The following RNF111 variants were observed in gnomAD, a reference collection of about 807,000 sequenced individuals.
RNF111 encodes the protein E3 ubiquitin-protein ligase Arkadia.
In RNF111, 17 loss-of-function variants were observed where a neutral mutation model predicts 95.1. That is an observed-to-expected ratio of 0.18 (90% CI 0.12 to 0.27). The LOEUF is 0.27. Ranked by LOEUF, RNF111 falls within the 10% of genes least tolerant of loss-of-function variation. The pLI is 1.00. For missense variants in RNF111, 1,189 were observed against 1,210.4 expected (o/e 0.98, Z 0.26); for synonymous variants, 440 against 414.8 (o/e 1.06, Z -0.74).
intron 1 of RNF111, among the ~76,000 whole-genome samples, chr15:58,997,814 CA>C (rs144747860): frequency 3.9e-4 from 46 of 118,362 alleles, no homozygotes; most frequent in African/African-American, 6.6e-4. Flanking sequence ...GACTCCATCT[CA>C]AAAAAAAAAA....
intron 3 of RNF111, among the ~76,000 whole-genome samples, chr15:59,054,500 A>T: frequency 6.6e-6 from 1 of 152,078 alleles, no homozygotes; most frequent in East Asian, 1.9e-4. Context: ...TTTTTCAAGA[A>T]TTTTAAATGG....
At chr15:59,034,356 G>A (rs4775112) in intron 2 of RNF111, among the ~76,000 whole-genome samples, 150,339 of 152,346 alleles carry the variant, frequency 0.99, 74,205 homozygotes, top group East Asian at 1. Context: ...GTTGTTGGCT[G>A]TTGTTACCAG....
chr15:59,032,763 T>C (rs2040977899), intron 2 of RNF111, among the ~76,000 whole-genome samples: 1 of 152,200 alleles, frequency 6.6e-6, no homozygotes, highest in African/African-American at 2.4e-5. Flanking sequence ...CAAGTAACTT[T>C]TATTCTAATA....
At position 59,059,818 on chromosome 15, in the gene RNF111, C is replaced by T. The variant is rs146740851; in HGVS notation, c.1366+1268C>T. On this transcript the variant is annotated intron_variant, in intron 5 of 13. Transcript: ENST00000348370. ...GAGATAGGAACTTGCTAACTGCTTA[C>T]CAATAGGGACACTGTAGACCCTGTA... Among the ~76,000 whole-genome samples the T allele has an allele frequency of 1.6e-4, 24 of 152,290 alleles. No individual in the cohort carries two copies. In the East Asian group the frequency reaches 3.9e-3, roughly 24 times the overall value.
intron 10 of RNF111, among the ~76,000 whole-genome samples, chr15:59,087,887 G>A (rs569509846): frequency 1.1e-4 from 16 of 152,324 alleles, no homozygotes; most frequent in African/African-American, 3.8e-4. Context: ...TGGCAGTAGA[G>A]TGGTTATTGG....
chr15:59,066,555 G>T (rs2042664294), intron 5 of RNF111, among the ~76,000 whole-genome samples: 1 of 151,988 alleles, frequency 6.6e-6, no homozygotes, highest in African/African-American at 2.4e-5. Context: ...GGTTTGGTGA[G>T]CCAAGATGGC....
chr15:59,048,382 T>A (rs774747701), intron 2 of RNF111, among the ~76,000 whole-genome samples: 5 of 152,186 alleles, frequency 3.3e-5, no homozygotes, highest in Non-Finnish European at 7.3e-5. Context: ...ACATAAAACT[T>A]TACAAAATCC....
rs1432923345 is a variant in RNF111 at position 59,052,307 on chromosome 15, A to C, written c.883A>C (p.Ser295Arg). 3 of 1,563,962 alleles carry C rather than the reference A, an allele frequency of 1.9e-6. No individual in the cohort carries two copies. The African/African-American group carries it at 4.1e-5, about 21-fold the overall frequency. Residue 295 changes from serine (S) to arginine (R), a missense_variant and splice_region_variant, in exon 3 of 14, where the codon AGT (serine) becomes CGT (arginine). Coordinates refer to ENST00000348370, the MANE Select transcript of RNF111 (RefSeq NM_017610.8). ...HQNNPAVPSG[S>R]IDEDVVVIEA... is the part of the protein sequence containing the mutation. Reference sequence around the variant, plus strand: ...ATGTTTTTTCTTTTTGTTTCCAGGAAGTATTGATGAAGATGTTGTGGTGAT... The same window carrying C: ...ATGTTTTTTCTTTTTGTTTCCAGGACGTATTGATGAAGATGTTGTGGTGAT...
rs774566257 is a variant in RNF111, at chr15:59,080,994, A to G, written c.2007A>G (p.Gly669=). The G allele has an allele frequency of 1.2e-6, 2 of 1,614,002 alleles. No homozygotes were observed. Among genetic ancestry groups the G allele is most frequent in the Non-Finnish European group, 1.7e-6 (2 of 1,179,968 alleles). The change falls in exon 8 of 14, where the codon GGA becomes GGG. Residue 669 remains glycine, a synonymous_variant. Coordinates refer to ENST00000348370, the MANE Select transcript of RNF111 (RefSeq NM_017610.8). ...CTTCTGCCTGCCCGCATTCTCATGG[A>G]AACCCCCCTCCTCAGACTCAGCCTC... ...HQASACPHSH[G]NPPPQTQPPP... is the part of the protein sequence containing the mutation.
chr15:59,051,308 AT>A (rs1424873216), intron 2 of RNF111, among the ~76,000 whole-genome samples: 21 of 151,906 alleles, frequency 1.4e-4, no homozygotes, highest in African/African-American at 4.8e-4. Flanking sequence ...ACAAAAAAAA[AT>A]TAGCTGGGCC....
In RNF111 at chr15:59,085,771, G is replaced by A; in HGVS notation, c.2536G>A (p.Ala846Thr). ...PPRLHHLQLG[A>T]LPLMVPDMAG... The stretch of plus-strand genomic sequence containing the variant: ...TCGACTTCATCACTTACAATTAGGA[G>A]CTCTTCCTTTAATGGTAAAATGGAA... Residue 846 changes from alanine to threonine, a missense_variant, in exon 10 of 14, where the codon GCT (alanine) becomes ACT (threonine). Ala to Thr is a moderately conservative substitution (Grantham distance 58). This residue lies in a region of RNF111 where 165 missense variants were observed against 284.6 expected (regional missense o/e 0.58). Coordinates refer to ENST00000348370, the MANE Select transcript of RNF111 (RefSeq NM_017610.8). The A allele has an allele frequency of 6.2e-7, 1 of 1,612,514 alleles. No individual in the cohort carries two copies. Among genetic ancestry groups the A allele is most frequent in the Non-Finnish European group, 8.5e-7 (1 of 1,179,230 alleles).
Position 59,031,441 on chromosome 15 carries a change from T to C in RNF111, c.619T>C (p.Leu207=), listed in dbSNP as rs2040901429. 1 of 1,614,122 alleles carries C rather than the reference T, an allele frequency of 6.2e-7. No homozygotes were observed. The highest frequency in any genetic ancestry group is 1.7e-5 in the Admixed American group (1 of 60,006). The stretch of plus-strand genomic sequence containing the variant: ...AAGACCCTGTTTACATGGCAGTTCG[T>C]TACGGAGACTTCCATGCAGAAAGAG... The part of the protein sequence containing the change: ...MKRPCLHGSS[L]RRLPCRKRFV... The change falls in exon 2 of 14, where the codon TTA becomes CTA. Residue 207 remains leucine, a synonymous_variant. Coordinates refer to ENST00000348370, the MANE Select transcript of RNF111 (RefSeq NM_017610.8).
At chr15:59,084,406 G>A in intron 9 of RNF111, 152 bp downstream of exon 9, 1 of 671,900 alleles carries the variant, frequency 1.5e-6, no homozygotes. Context: ...GCAGATAGAG[G>A]TTTGGAGAGG....
At chr15:59,021,115 G>C (rs142320227) in intron 1 of RNF111, among the ~76,000 whole-genome samples, 3 of 152,106 alleles carry the variant, frequency 2.0e-5, no homozygotes, top group African/African-American at 7.2e-5. Context: ...TTATGCCTCT[G>C]TGTCCTCATA....
rs552617853 is a variant in RNF111, at chr15:59,046,152, G to T, written c.881-6153G>T. ...AATCAGATAATCTTTCATTATCTCC[G>T]TTATTTACCAGTGTCTGCTCCTATT... On this transcript the variant is annotated intron_variant, in intron 2 of 13. Transcript: ENST00000348370. 5.4e-5 allele frequency among the ~76,000 whole-genome samples: 8 copies of T among 149,432 alleles called. No individual in the cohort carries two copies. In the South Asian group the frequency reaches 1.3e-3, roughly 24 times the overall value.
chr15:59,013,882 A>C (rs1344254452), intron 1 of RNF111, among the ~76,000 whole-genome samples: 2 of 151,804 alleles, frequency 1.3e-5, no homozygotes, highest in African/African-American at 4.8e-5. Context: ...TCTGCCTCCC[A>C]GGTTCAAGTA....
At position 59,095,654 on chromosome 15, in the gene RNF111, A is replaced by C. The variant is rs2079165100; in HGVS notation, c.*754A>C. On this transcript the variant is annotated 3_prime_UTR_variant, in exon 14 of 14. Coordinates refer to ENST00000348370, the MANE Select transcript of RNF111 (RefSeq NM_017610.8). ...ATTTAGAATTTTATTTCCCTGATTCAGTTTTTGCTGCTGTGAAACAGCTCT... is the reference window on the plus strand; with the variant it reads ...ATTTAGAATTTTATTTCCCTGATTCCGTTTTTGCTGCTGTGAAACAGCTCT... The C allele has an allele frequency of 5.2e-6, 1 of 190,570 alleles. No individual in the cohort carries two copies. The highest frequency in any genetic ancestry group is 2.3e-5 in the African/African-American group (1 of 43,136). 11.8% of individuals were successfully genotyped at this position (190,570 alleles called of 1,614,324 possible).
At position 59,080,997 on chromosome 15, in the gene RNF111, C is replaced by T. The variant is rs1475574450; in HGVS notation, c.2010C>T (p.Asn670=). 6.2e-7 allele frequency: 1 copy of T among 1,613,940 alleles called. No homozygotes were observed. Among genetic ancestry groups the T allele is most frequent in the Non-Finnish European group, 8.5e-7 (1 of 1,179,934 alleles). ...QASACPHSHG[N]PPPQTQPPPQ... is the part of the protein sequence containing the mutation. Reference sequence around the variant, plus strand: ...CTGCCTGCCCGCATTCTCATGGAAACCCCCCTCCTCAGACTCAGCCTCCGC... The same window carrying T: ...CTGCCTGCCCGCATTCTCATGGAAATCCCCCTCCTCAGACTCAGCCTCCGC... The change falls in exon 8 of 14, where the codon AAC becomes AAT. Residue 670 remains asparagine, a synonymous_variant. Coordinates refer to ENST00000348370, the MANE Select transcript of RNF111 (RefSeq NM_017610.8).
chr15:58,989,835 T>C (rs1160586863), intron 1 of RNF111, among the ~76,000 whole-genome samples: 1 of 152,122 alleles, frequency 6.6e-6, no homozygotes, highest in African/African-American at 2.4e-5. Flanking sequence ...TAAAGGAAAC[T>C]AATTGAATCA....
Sources: gnomAD v4.1 joint callset for allele counts (sites outside exome capture counted in the v4.1 genomes callset) on GRCh38, gnomAD v4.1.1 for gene constraint, gnomAD v4.1.1 regional missense constraint, MANE v1.5 for transcripts, NCBI Gene and HGNC (gene_info 2026-07-23, HGNC 2026-07-21) for gene names.